The following MIB1 variants were observed in gnomAD, a reference collection of about 807,000 sequenced individuals.
The protein encoded by MIB1 is MIB E3 ubiquitin protein ligase 1.
Under a neutral mutation model 124.5 loss-of-function variants are expected in MIB1, and 278 were observed. The observed-to-expected ratio is 2.23, with a 90% CI of 2.02 to 2.47. The LOEUF is 2.47. MIB1 is among the 30% of genes most tolerant of loss of function. The pLI, the probability that MIB1 is intolerant of heterozygous loss-of-function variation, is 0.00. For synonymous variants in MIB1, 446 were observed against 429.4 expected, an observed-to-expected ratio of 1.04 and a Z score of -0.48; for missense variants, 957 against 1,254.4, an observed-to-expected ratio of 0.76 and a Z score of 3.58.
chr18:21,814,014 T>C (rs978081194), intron 10 of MIB1, among the ~76,000 whole-genome samples: 1 of 152,206 alleles, frequency 6.6e-6, no homozygotes, highest in Non-Finnish European at 1.5e-5. Flanking sequence ...TTCATACTTT[T>C]TGGTATAAGC....
At chr18:21,833,220 C>A (rs2041999954) in intron 12 of MIB1, among the ~76,000 whole-genome samples, 2 of 152,174 alleles carry the variant, frequency 1.3e-5, no homozygotes, top group East Asian at 1.9e-4. Flanking sequence ...CTCTTGGGAA[C>A]AAAACCATGC....
At chr18:21,758,999 C>G (rs894619453) in intron 1 of MIB1, among the ~76,000 whole-genome samples, 10 of 151,850 alleles carry the variant, frequency 6.6e-5, no homozygotes, top group African/African-American at 2.4e-4. Context: ...AGTAATATAA[C>G]CAATAACTGG....
At chr18:21,840,665 ATTT>A (rs375520508) in intron 13 of MIB1, among the ~76,000 whole-genome samples, 6 of 3,138 alleles carry the variant, frequency 1.9e-3, no homozygotes, top group Admixed American at 5.7e-3. Context: ...ATATATATAT[ATTT>A]TTTTTTTTTT....
chr18:21,855,854 GAAT>G (rs1382531661), intron 18 of MIB1, among the ~76,000 whole-genome samples: 2 of 152,184 alleles, frequency 1.3e-5, no homozygotes, highest in Non-Finnish European at 2.9e-5. Flanking sequence ...TTTTCATAAT[GAAT>G]GTTAATGAGA....
chr18:21,728,000 A>C (rs1459648226), intron 1 of MIB1, among the ~76,000 whole-genome samples: 1 of 152,150 alleles, frequency 6.6e-6, no homozygotes, highest in East Asian at 1.9e-4. Context: ...TGGAGTCCTG[A>C]CCCACAGAAA....
chr18:21,853,896 G>T (rs538655199), intron 18 of MIB1, among the ~76,000 whole-genome samples: 1 of 147,728 alleles, frequency 6.8e-6, no homozygotes, highest in East Asian at 2.0e-4. Flanking sequence ...GCACAGTCTC[G>T]CTCTGTCACC....
At chr18:21,756,022 T>C (rs1166115980) in intron 1 of MIB1, among the ~76,000 whole-genome samples, 2 of 152,176 alleles carry the variant, frequency 1.3e-5, no homozygotes, top group South Asian at 2.1e-4. Flanking sequence ...AATTGAAATA[T>C]TTTACATCAT....
chr18:21,754,420 C>G (rs549096952), intron 1 of MIB1, among the ~76,000 whole-genome samples: 5 of 152,158 alleles, frequency 3.3e-5, no homozygotes, highest in African/African-American at 1.2e-4. Context: ...AATCTGTCAC[C>G]GTGTCCAGCC....
intron 1 of MIB1, among the ~76,000 whole-genome samples, chr18:21,745,675 A>AACACACACACACACACACAC (rs144491531): frequency 4.5e-4 from 65 of 144,746 alleles, no homozygotes; most frequent in African/African-American, 1.5e-3. Context: ...ATAGGTGTTA[A>AACACACACACACACACACAC]ACACACACAC....
chr18:21,804,770 G>A (rs1476083051), intron 10 of MIB1, among the ~76,000 whole-genome samples: 2 of 152,024 alleles, frequency 1.3e-5, no homozygotes, highest in African/African-American at 4.8e-5. Flanking sequence ...TGCTTAATGA[G>A]GACTTGAATT....
At chr18:21,786,108 T>C (rs2041431981) in intron 6 of MIB1, among the ~76,000 whole-genome samples, 1 of 152,054 alleles carries the variant, frequency 6.6e-6, no homozygotes, top group African/African-American at 2.4e-5. Flanking sequence ...TTTTCTGTTT[T>C]TTTTTTGAGA....
intron 1 of MIB1, among the ~76,000 whole-genome samples, chr18:21,758,432 C>A (rs145736437): frequency 3.1e-4 from 47 of 151,930 alleles, no homozygotes; most frequent in Admixed American, 3.1e-3. Context: ...ATTTGATTTG[C>A]GGTTAAAGTT....
chr18:21,718,606 A>G (rs1452627960), intron 1 of MIB1, among the ~76,000 whole-genome samples: 1 of 152,218 alleles, frequency 6.6e-6, no homozygotes, highest in African/African-American at 2.4e-5. Flanking sequence ...CAGCCACCCT[A>G]CAAAAATCTG....
intron 10 of MIB1, among the ~76,000 whole-genome samples, chr18:21,810,446 A>G (rs1281948171): frequency 6.6e-6 from 1 of 152,102 alleles, no homozygotes; most frequent in Non-Finnish European, 1.5e-5. Context: ...CAATCTTGAG[A>G]AAGAACAGAA....
intron 1 of MIB1, 69 bp from the exon 2 acceptor site, chr18:21,765,702 TC>T: frequency 6.9e-7 from 1 of 1,449,684 alleles, no homozygotes; most frequent in Non-Finnish European, 9.4e-7. Context: ...CTTATTTTTT[TC>T]CCCCAAGGAA....
chr18:21,731,656 C>T (rs1162795504), intron 1 of MIB1, among the ~76,000 whole-genome samples: 2 of 146,734 alleles, frequency 1.4e-5, no homozygotes, highest in East Asian at 2.0e-4. Flanking sequence ...GGCGTGAACC[C>T]GGGAGGCAGA....
chr18:21,796,331 G>A (rs2041578946), intron 7 of MIB1, among the ~76,000 whole-genome samples: 1 of 151,936 alleles, frequency 6.6e-6, no homozygotes, highest in African/African-American at 2.4e-5. Context: ...CTCATAAGTG[G>A]GAGTTGAGCA....
rs1404118492 is a variant in MIB1, at chr18:21,857,182, A to C, written c.2718A>C (p.Arg906=). 1.3e-5 allele frequency: 21 copies of C among 1,614,116 alleles called. No homozygotes were observed. Among genetic ancestry groups the C allele is most frequent in the Non-Finnish European group, 1.8e-5 (21 of 1,180,030 alleles). The change falls in exon 19 of 21, where the codon CGA becomes CGC. Residue 906 remains arginine, a synonymous_variant. Transcript: ENST00000261537. ...TGCAGTGTCGAGCAGTAGTTGAACG[A>C]AGAGTGCCTTTCATTATGTGCTGTG... ...KCVQCRAVVE[R]RVPFIMCCGG...
chr18:21,761,957 T>C (rs976240738), intron 1 of MIB1, among the ~76,000 whole-genome samples: 8 of 151,976 alleles, frequency 5.3e-5, no homozygotes, highest in Non-Finnish European at 1.2e-4. Flanking sequence ...CCCACCAAAC[T>C]GCTAATAATG....
Sources: gnomAD v4.1 joint callset for allele counts (sites outside exome capture counted in the v4.1 genomes callset) on GRCh38, gnomAD v4.1.1 for gene constraint, MANE v1.5 for transcripts, NCBI Gene and HGNC (gene_info 2026-07-23, HGNC 2026-07-21) for gene names.